The following KPNA5 variants were observed in gnomAD, a reference collection of about 807,000 sequenced individuals.
The protein encoded by KPNA5 is karyopherin subunit alpha 5, also known as importin subunit alpha-6.
KPNA5 carries 46 observed loss-of-function variants against 71.3 expected under a neutral mutation model. The observed-to-expected ratio is 0.65, with a 90% CI of 0.51 to 0.83. The LOEUF (loss-of-function observed/expected upper bound fraction) is 0.83, where lower values mean the gene tolerates loss of function less well. Among genes scored for constraint, KPNA5 ranks in the 40% least tolerant of loss-of-function variants. The pLI, the probability that KPNA5 is intolerant of heterozygous loss-of-function variation, is 0.00. For missense variants in KPNA5, 547 were observed against 628.3 expected, an observed-to-expected ratio of 0.87 and a Z score of 1.38; for synonymous variants, 207 against 201.4, an observed-to-expected ratio of 1.03 and a Z score of -0.24.
At chr6:116,687,511 C>T (rs1209820764) in intron 1 of KPNA5, among the ~76,000 whole-genome samples, 3 of 151,878 alleles carry the variant, frequency 2.0e-5, no homozygotes, top group Non-Finnish European at 2.9e-5. Context: ...GAAATGTATA[C>T]GAAAAGAGTG....
intron 6 of KPNA5, among the ~76,000 whole-genome samples, chr6:116,702,525 A>G (rs1778268205): frequency 6.6e-6 from 1 of 152,204 alleles, no homozygotes; most frequent in Non-Finnish European, 1.5e-5. Context: ...TCTGCTAAAA[A>G]TACAAAAATT....
At chr6:116,708,127 G>A (rs1237335177) in intron 7 of KPNA5, among the ~76,000 whole-genome samples, 1 of 152,146 alleles carries the variant, frequency 6.6e-6, no homozygotes, top group Middle Eastern at 3.2e-3. Flanking sequence ...TTTTATGCAT[G>A]TGCCACATTT....
At chr6:116,703,034 GC>G (rs1778288863) in intron 6 of KPNA5, among the ~76,000 whole-genome samples, 1 of 151,832 alleles carries the variant, frequency 6.6e-6, no homozygotes, top group Non-Finnish European at 1.5e-5. Flanking sequence ...AATATTGGGA[GC>G]CTTTTTTTAT....
At chr6:116,725,046 G>C (rs577993904) in intron 10 of KPNA5, among the ~76,000 whole-genome samples, 127 of 152,078 alleles carry the variant, frequency 8.4e-4, no homozygotes, top group African/African-American at 2.8e-3. Flanking sequence ...GGCCTATTTG[G>C]ATACTAATCA....
At chr6:116,693,343 G>C (rs542978417) in intron 4 of KPNA5, among the ~76,000 whole-genome samples, 10 of 152,272 alleles carry the variant, frequency 6.6e-5, no homozygotes, top group African/African-American at 1.9e-4. Context: ...CTAGTTTACA[G>C]TCCCACCAAC....
chr6:116,696,946 G>A (rs1357989215), intron 4 of KPNA5, among the ~76,000 whole-genome samples: 1 of 151,880 alleles, frequency 6.6e-6, no homozygotes, highest in Admixed American at 6.6e-5. Flanking sequence ...ATGTGTGTGT[G>A]TGGGGGGGTA....
chr6:116,710,128 T>A (rs1778599944), intron 7 of KPNA5, among the ~76,000 whole-genome samples: 1 of 152,188 alleles, frequency 6.6e-6, no homozygotes, highest in Non-Finnish European at 1.5e-5. Context: ...TGAGATAACT[T>A]GTTTTTTTAA....
chr6:116,701,710 TAAAC>T (rs1229616585), intron 5 of KPNA5, among the ~76,000 whole-genome samples: 5 of 152,208 alleles, frequency 3.3e-5, no homozygotes, highest in Non-Finnish European at 5.9e-5. Flanking sequence ...TCTGTAATAA[TAAAC>T]AGGAGTTTTA....
chr6:116,697,385 A>T (rs1407516392), intron 4 of KPNA5, among the ~76,000 whole-genome samples: 1 of 152,056 alleles, frequency 6.6e-6, no homozygotes, highest in Non-Finnish European at 1.5e-5. Context: ...AAATTTTCTA[A>T]ATTTTGTCCA....
rs1779768918 is a variant in KPNA5, at chr6:116,738,979, A to G, written c.*6656A>G. 6.6e-6 allele frequency: 1 copy of G among 151,636 alleles called. No homozygotes were observed. Among genetic ancestry groups the G allele is most frequent in the East Asian group, 1.9e-4 (1 of 5,148 alleles). 9.4% of individuals were successfully genotyped at this position (151,636 alleles called of 1,614,324 possible). On this transcript the variant is annotated 3_prime_UTR_variant, in exon 14 of 14. Transcript: ENST00000368564. ...CCCTCTCTCACCACTCCTATTCAAC[A>G]TAGTGTTGGAAGTTCTGGCCAGGGC...
chr6:116,706,660 GC>G (rs1205592074), intron 7 of KPNA5, among the ~76,000 whole-genome samples: 1 of 151,714 alleles, frequency 6.6e-6, no homozygotes, highest in Non-Finnish European at 1.5e-5. Flanking sequence ...TTGCACTCCA[GC>G]CTGGGCAACA....
chr6:116,694,945 C>G (rs929204626), intron 4 of KPNA5, among the ~76,000 whole-genome samples: 1 of 152,026 alleles, frequency 6.6e-6, no homozygotes, highest in Non-Finnish European at 1.5e-5. Context: ...TGAACATTCA[C>G]AATTCTCTTT....
intron 1 of KPNA5, among the ~76,000 whole-genome samples, chr6:116,686,024 C>A (rs531380416): frequency 6.6e-6 from 1 of 152,072 alleles, no homozygotes; most frequent in Non-Finnish European, 1.5e-5. Context: ...TCCACCTCAG[C>A]CTTCTGAGTA....
Position 116,734,844 on chromosome 6 carries a change from T to A in KPNA5, c.*2521T>A, listed in dbSNP as rs757367676. 2 of 151,696 alleles carry A rather than the reference T, an allele frequency of 1.3e-5. No homozygotes were observed. Among genetic ancestry groups the A allele is most frequent in the Non-Finnish European group, 3.0e-5 (2 of 67,712 alleles). 9.4% of individuals were successfully genotyped at this position (151,696 alleles called of 1,614,324 possible). A position where few individuals can be genotyped will look rare whatever the true frequency, so the allele number is the denominator to read the frequency against. On this transcript the variant is annotated 3_prime_UTR_variant, in exon 14 of 14. Transcript: ENST00000368564. ...TTTTAACTTGCTTTTCTAAGATTTG[T>A]TATATTTAAATCCAAGAGAAACTAT...
Position 116,739,936 on chromosome 6 carries a change from G to A in KPNA5, c.*7613G>A, listed in dbSNP as rs999034095. The A allele has an allele frequency of 6.6e-6, 1 of 151,788 alleles. No homozygotes were observed. The highest frequency in any genetic ancestry group is 2.4e-5 in the African/African-American group (1 of 41,220). The allele number at this position is 151,788 out of a possible 1,614,324, so 9.4% of individuals were successfully genotyped here. On this transcript the variant is annotated 3_prime_UTR_variant, in exon 14 of 14. Transcript: ENST00000368564. ...CATTACCATTCAGGACATAGGGATG[G>A]GCAAGGACTTCATGTCTAAAACACC...
intron 5 of KPNA5, among the ~76,000 whole-genome samples, chr6:116,701,344 C>G (rs9489015): frequency 4.6e-5 from 7 of 152,038 alleles, no homozygotes; most frequent in Admixed American, 6.6e-5. Context: ...CAGTAATTCA[C>G]TAGTTCATTG....
At chr6:116,688,280 C>T (rs1409899127) in intron 1 of KPNA5, among the ~76,000 whole-genome samples, 5 of 152,250 alleles carry the variant, frequency 3.3e-5, no homozygotes, top group South Asian at 4.1e-4. Context: ...TCTTCAATAT[C>T]AGGGATGGCA....
intron 1 of KPNA5, among the ~76,000 whole-genome samples, chr6:116,686,021 C>T (rs114118089): frequency 0.061 from 9,324 of 152,224 alleles, 394 homozygotes; most frequent in Admixed American, 0.15. Flanking sequence ...TCTTCCACCT[C>T]AGCCTTCTGA....
Position 116,727,023 on chromosome 6 carries a change from T to A in KPNA5, c.1253+401T>A, listed in dbSNP as rs193242214. 3.0e-4 allele frequency among the ~76,000 whole-genome samples: 46 copies of A among 152,246 alleles called. 1 individual carries two copies. Among genetic ancestry groups the A allele is most frequent in the Non-Finnish European group, 5.6e-4 (38 of 67,948 alleles). On this transcript the variant is annotated intron_variant, in intron 12 of 13. Coordinates refer to ENST00000368564, the MANE Select transcript of KPNA5 (RefSeq NM_001366306.2). ...AGACATTGTTTATATGGTGATGTTCTGGTCCTCATTGATTGTTAGCCTTGC... is the reference window on the plus strand; with the variant it reads ...AGACATTGTTTATATGGTGATGTTCAGGTCCTCATTGATTGTTAGCCTTGC...
Sources: gnomAD v4.1 joint callset for allele counts (sites outside exome capture counted in the v4.1 genomes callset) on GRCh38, gnomAD v4.1.1 for gene constraint, MANE v1.5 for transcripts, NCBI Gene and HGNC (gene_info 2026-07-23, HGNC 2026-07-21) for gene names.